The following LSM14A variants were observed in gnomAD, a reference collection of about 807,000 sequenced individuals.
The protein encoded by LSM14A is protein LSM14 homolog A.
Under a neutral mutation model 52.4 loss-of-function variants are expected in LSM14A, and 14 were observed. The ratio of observed to expected loss-of-function variants is 0.27; its 90% CI spans 0.18 to 0.42. LSM14A has a LOEUF of 0.42. LSM14A is among the 10% of genes least tolerant of loss of function. The pLI is 1.00. For synonymous variants in LSM14A, 185 were observed against 200.3 expected, an observed-to-expected ratio of 0.92 and a Z score of 0.64; for missense variants, 417 against 581.8, an observed-to-expected ratio of 0.72 and a Z score of 2.91.
chr19:34,220,769 G>A (rs73040816), intron 8 of LSM14A, among the ~76,000 whole-genome samples: 192 of 152,292 alleles, frequency 1.3e-3, no homozygotes, highest in Non-Finnish European at 2.6e-3. Context: ...GGGTTACTTG[G>A]TATCGGGTCC....
In LSM14A at chr19:34,215,141, T is replaced by A; in HGVS notation, c.556T>A (p.Leu186Ile). ...QLSQGRSSPQLDPLRKSPTME... is the reference protein window; with the variant it reads ...QLSQGRSSPQIDPLRKSPTME... ...CATTTTAGGTCGCTCAAGCCCTCAG[T>A]TAGACCCTTTGAGAAAAAGCCCAAC... The change falls in exon 5 of 10, where the codon TTA becomes ATA. Residue 186 changes from leucine to isoleucine, a missense_variant. Leu to Ile is a conservative substitution (Grantham distance 5, BLOSUM62 2). Transcript: ENST00000544216. 4 of 1,613,092 alleles carry A rather than the reference T, an allele frequency of 2.5e-6. No homozygotes were observed. Among genetic ancestry groups the A allele is most frequent in the Non-Finnish European group, 3.4e-6 (4 of 1,179,752 alleles).
Position 34,185,207 on chromosome 19 carries a change from C to T in LSM14A, c.122-9271C>T, listed in dbSNP as rs76382878. Among the ~76,000 whole-genome samples the T allele has an allele frequency of 1.1e-3, 162 of 152,212 alleles. No homozygotes were observed. The Middle Eastern group carries it at 0.014, about 13-fold the overall frequency. On this transcript the variant is annotated intron_variant, in intron 1 of 9. Coordinates refer to ENST00000544216, the MANE Select transcript of LSM14A (RefSeq NM_015578.4). ...AATATATTGCAGAAGGTGCAAGGAACGTCATCTGGGTTATGACCTCTGGAA... is the reference window on the plus strand; with the variant it reads ...AATATATTGCAGAAGGTGCAAGGAATGTCATCTGGGTTATGACCTCTGGAA...
chr19:34,193,893 A>G, intron 1 of LSM14A, among the ~76,000 whole-genome samples: 1 of 152,208 alleles, frequency 6.6e-6, no homozygotes, highest in Admixed American at 6.5e-5. Context: ...ACCGTGAGCC[A>G]GGCACAGTGG....
chr19:34,221,579 C>A lies in LSM14A; in HGVS notation c.1209C>A (p.Asn403Lys). 6.2e-7 allele frequency: 1 copy of A among 1,614,106 alleles called. No individual in the cohort carries two copies. Among genetic ancestry groups the A allele is most frequent in the Admixed American group, 1.7e-5 (1 of 60,002 alleles). The part of the protein sequence containing the change: ...AETFGIPLRP[N>K]RGRGGYRGRG... ...CATTTGGAATCCCACTTCGTCCAAA[C>A]CGTGGCCGTGGGGGATACAGAGGCA... Residue 403 changes from asparagine (N) to lysine (K), a missense_variant, in exon 9 of 10, where the codon AAC (asparagine) becomes AAA (lysine). Transcript: ENST00000544216.
chr19:34,200,196 C>G (rs890691059), intron 3 of LSM14A, among the ~76,000 whole-genome samples: 1 of 152,152 alleles, frequency 6.6e-6, no homozygotes, highest in Middle Eastern at 3.2e-3. Context: ...TCAAAAGATT[C>G]AATATTACAA....
At chr19:34,176,254 G>T (rs954342055) in intron 1 of LSM14A, among the ~76,000 whole-genome samples, 1 of 151,988 alleles carries the variant, frequency 6.6e-6, no homozygotes, top group African/African-American at 2.4e-5. Flanking sequence ...ATCTCTTTGA[G>T]TAACAGTCTT....
Position 34,220,433 on chromosome 19 carries a change from C to T in LSM14A, c.1136+556C>T, listed in dbSNP as rs374236483. Among the ~76,000 whole-genome samples, 7 of 152,152 alleles carry T rather than the reference C, an allele frequency of 4.6e-5. No individual in the cohort carries two copies. The East Asian group carries it at 9.6e-4, about 21-fold the overall frequency. ...TCTAAGTAGGACCTTTTTTTCACCC[C>T]TGTATGTTACAGTTCAAATGAAGCC... On this transcript the variant is annotated intron_variant, in intron 8 of 9. Coordinates refer to ENST00000544216, the MANE Select transcript of LSM14A (RefSeq NM_015578.4).
intron 9 of LSM14A, chr19:34,221,999 TC>T: frequency 3.5e-6 from 1 of 287,536 alleles, no homozygotes; most frequent in Non-Finnish European, 5.2e-6. Context: ...AAGCACATAC[TC>T]CCAGAATGGA....
In LSM14A at chr19:34,215,270, A is replaced by G; in HGVS notation, c.685A>G (p.Lys229Glu). ...CAGGCCTTTGCCATCTGCCAGCCAA[A>G]AGGCAGGAGAGAATCAGGAGCACAG... ...STRPLPSASQ[K>E]AGENQEHRRA... is the part of the protein sequence containing the mutation. Residue 229 changes from lysine (K) to glutamate (E), a missense_variant, in exon 5 of 10, where the codon AAG (lysine) becomes GAG (glutamate). By Grantham distance (56) the Lys-to-Glu change is moderately conservative. Transcript: ENST00000544216. The G allele has an allele frequency of 6.2e-7, 1 of 1,613,600 alleles. No homozygotes were observed. The highest frequency in any genetic ancestry group is 8.5e-7 in the Non-Finnish European group (1 of 1,179,866).
chr19:34,209,393 A>G (rs1304486312), intron 4 of LSM14A, among the ~76,000 whole-genome samples: 1 of 152,208 alleles, frequency 6.6e-6, no homozygotes, highest in Non-Finnish European at 1.5e-5. Flanking sequence ...TGAATTGGAA[A>G]TATCATCTGA....
chr19:34,175,930 G>A (rs1275414176), intron 1 of LSM14A, among the ~76,000 whole-genome samples: 2 of 151,804 alleles, frequency 1.3e-5, no homozygotes, highest in South Asian at 2.1e-4. Flanking sequence ...ATCTTGGCTC[G>A]CTGCAGCCTC....
chr19:34,193,300 C>T (rs934399882), intron 1 of LSM14A, among the ~76,000 whole-genome samples: 4 of 151,846 alleles, frequency 2.6e-5, no homozygotes, highest in Non-Finnish European at 5.9e-5. Context: ...TACAGGCATG[C>T]ACTACCACAC....
intron 8 of LSM14A, among the ~76,000 whole-genome samples, chr19:34,220,899 G>A (rs951987790): frequency 1.3e-5 from 2 of 152,078 alleles, no homozygotes; most frequent in African/African-American, 2.4e-5. Context: ...AGTGGAAAGC[G>A]AAGTCAATTA....
At chr19:34,208,164 ATTACAT>A (rs967468752) in intron 3 of LSM14A, 2 of 152,186 alleles carry the variant, frequency 1.3e-5, no homozygotes, top group African/African-American at 4.8e-5. Flanking sequence ...CGATAATGTT[ATTACAT>A]TTATATTTTG....
At chr19:34,227,218 C>T (rs568317607) in intron 9 of LSM14A, 147 bp from the exon 10 acceptor site, 20 of 647,464 alleles carry the variant, frequency 3.1e-5, no homozygotes, top group East Asian at 8.5e-5. Context: ...GAAGGAGTTT[C>T]GTGGAAATGA....
In LSM14A at chr19:34,221,721, G is replaced by T. The variant is rs997558579; in HGVS notation, c.1351G>T (p.Ala451Ser). The change falls in exon 9 of 10, where the codon GCG (alanine) becomes TCG (serine). Residue 451 changes from alanine to serine, a missense_variant. By Grantham distance (99) the Ala-to-Ser change is moderately conservative (BLOSUM62 1). Around this residue, in one of 2 missense-constraint regions of LSM14A, gnomAD observed 357 missense variants for 457.0 expected, o/e 0.78. Transcript: ENST00000544216. Reference sequence around the variant, plus strand: ...AGGAGGTCGTGGGGGCCGGGAGTTTGCGGATTTTGAATATAGGGTAAGTGT... The same window carrying T: ...AGGAGGTCGTGGGGGCCGGGAGTTTTCGGATTTTGAATATAGGGTAAGTGT... ...FRGGRGGREFADFEYRKDNKV... is the reference protein window; with the variant it reads ...FRGGRGGREFSDFEYRKDNKV... The T allele has an allele frequency of 1.9e-6, 3 of 1,612,876 alleles. No individual in the cohort carries two copies. Among genetic ancestry groups the T allele is most frequent in the African/African-American group, 1.3e-5 (1 of 74,874 alleles).
chr19:34,188,634 A>C (rs2070119330), intron 1 of LSM14A, among the ~76,000 whole-genome samples: 1 of 152,068 alleles, frequency 6.6e-6, no homozygotes, highest in Non-Finnish European at 1.5e-5. Flanking sequence ...TACCCTGTTG[A>C]CCACTAACCT....
chr19:34,229,261 A>C lies in LSM14A; in HGVS notation c.*1873A>C, dbSNP rs1378270882. On this transcript the variant is annotated 3_prime_UTR_variant, in exon 10 of 10. Transcript: ENST00000544216. ...ATATTAAAGCAAAGTTTTTATTCTAAAACAGAATAAAACTGTTCAATAAAA... is the reference window on the plus strand; with the variant it reads ...ATATTAAAGCAAAGTTTTTATTCTACAACAGAATAAAACTGTTCAATAAAA... The C allele has an allele frequency of 6.6e-6, 1 of 152,216 alleles. No homozygotes were observed. The highest frequency in any genetic ancestry group is 2.4e-5 in the African/African-American group (1 of 41,452). 9.4% of individuals were successfully genotyped at this position (152,216 alleles called of 1,614,324 possible).
intron 9 of LSM14A, chr19:34,226,455 T>G (rs755347788): frequency 3.3e-6 from 5 of 1,514,870 alleles, no homozygotes; most frequent in Non-Finnish European, 4.4e-6. Context: ...ATCGTACTGC[T>G]TTCTGAAAGG....
Sources: gnomAD v4.1 joint callset for allele counts (sites outside exome capture counted in the v4.1 genomes callset) on GRCh38, gnomAD v4.1.1 for gene constraint, gnomAD v4.1.1 regional missense constraint, MANE v1.5 for transcripts, NCBI Gene and HGNC (gene_info 2026-07-23, HGNC 2026-07-21) for gene names.